SLC26A11: variants seen among roughly 807,000 people sequenced by gnomAD.
The protein encoded by SLC26A11 is solute carrier family 26 member 11, also known as sodium-independent sulfate anion transporter.
In SLC26A11, 58 loss-of-function variants were observed where a neutral mutation model predicts 62.2. The observed-to-expected ratio is 0.93, with a 90% CI of 0.76 to 1.16. SLC26A11 has a LOEUF of 1.16. SLC26A11 is among the 50% of genes most tolerant of loss of function. The probability of loss-of-function intolerance (pLI) is 0.00; values close to 1 mark genes in which losing one functional copy is unlikely to be tolerated. For missense variants in SLC26A11, 790 were observed against 794.3 expected, an observed-to-expected ratio of 0.99 and a Z score of 0.06; for synonymous variants, 411 against 368.9, an observed-to-expected ratio of 1.11 and a Z score of -1.31.
Position 80,223,414 on chromosome 17 carries a change from GGC to G in SLC26A11, c.513+78_513+79del. Reference sequence around the variant, plus strand: ...ACAGGGATGGCGGGAGCAGGACTGAGGCCAGTCCTGATCCCTGTGGCCAGTGG... The same window carrying G: ...ACAGGGATGGCGGGAGCAGGACTGAGCAGTCCTGATCCCTGTGGCCAGTGG... On this transcript the variant is annotated intron_variant, in intron 5 of 17. Coordinates refer to ENST00000361193, the MANE Select transcript of SLC26A11 (RefSeq NM_001166347.2). The surrounding 1 kb of genome is among the most constrained non-coding windows in gnomAD (Gnocchi z 4.6). The G allele has an allele frequency of 7.4e-7, 1 of 1,353,524 alleles. No homozygotes were observed. The allele number at this position is 1,353,524 out of a possible 1,614,324, so 83.8% of individuals were successfully genotyped here.
chr17:80,246,722 C>A lies in SLC26A11; in HGVS notation c.1294+73C>A, dbSNP rs2043009404. ...CGCGGAGGGTGTCATTTATGCTACCCCATTTTCCTGCAGCCCCCTCTGTGG... is the reference window on the plus strand; with the variant it reads ...CGCGGAGGGTGTCATTTATGCTACCACATTTTCCTGCAGCCCCCTCTGTGG... On this transcript the variant is annotated intron_variant, in intron 13 of 17. Transcript: ENST00000361193. This position sits in a 1 kb window ranked among gnomAD's most constrained non-coding sequence, Gnocchi z 4.4. The A allele has an allele frequency of 6.5e-7, 1 of 1,538,418 alleles. No homozygotes were observed. Among genetic ancestry groups the A allele is most frequent in the East Asian group, 2.4e-5 (1 of 41,230 alleles).
chr17:80,240,716 T>A (rs1478790642), intron 9 of SLC26A11, among the ~76,000 whole-genome samples: 2 of 151,464 alleles, frequency 1.3e-5, no homozygotes, highest in Non-Finnish European at 2.9e-5. Flanking sequence ...GGCAGGAGAA[T>A]CTCTTGAACC....
In SLC26A11 at chr17:80,223,667, C is replaced by T. The variant is rs1270157722; in HGVS notation, c.513+330C>T. The stretch of plus-strand genomic sequence containing the variant: ...GTGGCTCTGTTCTCCCTGCACTGGG[C>T]ACACCCAGCAGGCCCCACCAGTCAT... On this transcript the variant is annotated intron_variant, in intron 5 of 17. Coordinates refer to ENST00000361193, the MANE Select transcript of SLC26A11 (RefSeq NM_001166347.2). This position sits in a 1 kb window ranked among gnomAD's most constrained non-coding sequence, Gnocchi z 4.6. Among the ~76,000 whole-genome samples, 1 of 152,196 alleles carries T rather than the reference C, an allele frequency of 6.6e-6. No individual in the cohort carries two copies. Among genetic ancestry groups the T allele is most frequent in the Admixed American group, 6.5e-5 (1 of 15,278 alleles).
At chr17:80,231,443 C>G (rs182812622) in intron 7 of SLC26A11, among the ~76,000 whole-genome samples, 2 of 152,240 alleles carry the variant, frequency 1.3e-5, no homozygotes, top group African/African-American at 2.4e-5. Context: ...GGATTACAGG[C>G]GTGAGCCACT....
chr17:80,220,839 G>A (rs913275137), intron 1 of SLC26A11, 77 bp from the exon 2 acceptor site: 1 of 153,502 alleles, frequency 6.5e-6, no homozygotes, highest in Non-Finnish European at 1.4e-5. Context: ...TGAGGGTGGC[G>A]GCTCTGCGCG....
At position 80,246,310 on chromosome 17, in the gene SLC26A11, C is replaced by A; in HGVS notation, c.1153+101C>A. ...TCCCTTTGGCTCATGGGCCGTGCGC[C>A]CCGGGACTGCACAGGGACTTGGGGG... On this transcript the variant is annotated intron_variant, in intron 12 of 17. Transcript: ENST00000361193. The surrounding 1 kb of genome is among the most constrained non-coding windows in gnomAD (Gnocchi z 4.4). The A allele has an allele frequency of 6.8e-7, 1 of 1,475,202 alleles. No individual in the cohort carries two copies. 91.4% of individuals were successfully genotyped at this position (1,475,202 alleles called of 1,614,324 possible).
intron 15 of SLC26A11, 82 bp downstream of exon 15, chr17:80,248,756 C>A: frequency 1.5e-6 from 2 of 1,358,308 alleles, no homozygotes; most frequent in Non-Finnish European, 2.0e-6. Flanking sequence ...GACCCCAAGA[C>A]CCTGTCCCCA....
chr17:80,235,089 A>G (rs2042658321), intron 7 of SLC26A11, among the ~76,000 whole-genome samples: 1 of 152,124 alleles, frequency 6.6e-6, no homozygotes, highest in Admixed American at 6.5e-5. Flanking sequence ...ACTTCAGGTG[A>G]TTCAGCTGCC....
rs2043189242 is a variant in SLC26A11 at position 80,252,977 on chromosome 17, G to C, written c.*261G>C. ...CCTCTTTGGAAGAGTGGTTTGGAGA[G>C]AGCCTTCTAGAATGACAGACTGTGC... On this transcript the variant is annotated 3_prime_UTR_variant, in exon 18 of 18. Coordinates refer to ENST00000361193, the MANE Select transcript of SLC26A11 (RefSeq NM_001166347.2). The surrounding 1 kb of genome is among the most constrained non-coding windows in gnomAD (Gnocchi z 5.2). The C allele has an allele frequency of 2.9e-6, 1 of 343,402 alleles. No individual in the cohort carries two copies. The highest frequency in any genetic ancestry group is 2.2e-5 in the African/African-American group (1 of 45,954). The allele number at this position is 343,402 out of a possible 1,614,324, so 21.3% of individuals were successfully genotyped here.
intron 13 of SLC26A11, 90 bp from the exon 14 acceptor site, chr17:80,248,040 G>C (rs954762617): frequency 5.6e-6 from 8 of 1,434,842 alleles, no homozygotes; most frequent in African/African-American, 2.8e-5. Flanking sequence ...ACTCATATGT[G>C]GGGGGCAGAA....
intron 7 of SLC26A11, among the ~76,000 whole-genome samples, chr17:80,235,334 T>C (rs61652762): frequency 0.099 from 15,077 of 152,126 alleles, 846 homozygotes; most frequent in African/African-American, 0.14. Flanking sequence ...TTTAACTATG[T>C]TACTTTTGGG....
intron 11 of SLC26A11, chr17:80,245,467 T>C: frequency 1.8e-6 from 1 of 567,626 alleles, no homozygotes. Flanking sequence ...TACTAGAAAG[T>C]TCCACTGGGC....
Position 80,222,909 on chromosome 17 carries a change from T to C in SLC26A11, c.427+62T>C. 6.4e-7 allele frequency: 1 copy of C among 1,563,692 alleles called. No individual in the cohort carries two copies. Among genetic ancestry groups the C allele is most frequent in the Non-Finnish European group, 8.7e-7 (1 of 1,145,118 alleles). ...ACCTCAGCATTTGCTTGTTTGCATT[T>C]CAAGTCTATCCCCGTGTGCGTGTGT... On this transcript the variant is annotated intron_variant, in intron 4 of 17. Coordinates refer to ENST00000361193, the MANE Select transcript of SLC26A11 (RefSeq NM_001166347.2). The surrounding 1 kb of genome is among the most constrained non-coding windows in gnomAD (Gnocchi z 4.7).
At position 80,253,336 on chromosome 17, in the gene SLC26A11, C is replaced by T. The variant is rs2043195435; in HGVS notation, c.*620C>T. 2 of 152,228 alleles carry T rather than the reference C, an allele frequency of 1.3e-5. No homozygotes were observed. Among genetic ancestry groups the T allele is most frequent in the Non-Finnish European group, 2.9e-5 (2 of 68,146 alleles). 9.4% of individuals were successfully genotyped at this position (152,228 alleles called of 1,614,324 possible). On this transcript the variant is annotated 3_prime_UTR_variant, in exon 18 of 18. Coordinates refer to ENST00000361193, the MANE Select transcript of SLC26A11 (RefSeq NM_001166347.2). The stretch of plus-strand genomic sequence containing the variant: ...GTCCACTTGGGTGATCATTCCAGAC[C>T]CCTCCCCAAACATGCATATGTACCT...
chr17:80,221,686 C>T lies in SLC26A11; in HGVS notation c.126C>T (p.Ser42=), dbSNP rs144562896. 1.8e-4 allele frequency: 288 copies of T among 1,613,588 alleles called. 1 individual carries two copies. The highest frequency in any genetic ancestry group is 1.3e-3 in the Middle Eastern group (8 of 6,054). The change falls in exon 3 of 18, where the codon AGC becomes AGT. Residue 42 remains serine, a synonymous_variant. Coordinates refer to ENST00000361193, the MANE Select transcript of SLC26A11 (RefSeq NM_001166347.2). The stretch of plus-strand genomic sequence containing the variant: ...TGCCCATCCTGGCGTGGCTGCCCAG[C>T]TACTCCCTGCAGTGGCTGAAGATGG... ...RRLPILAWLP[S]YSLQWLKMDF...
In SLC26A11 at chr17:80,228,571, G is replaced by A. The variant is rs1370912231; in HGVS notation, c.736+611G>A. On this transcript the variant is annotated intron_variant, in intron 7 of 17. Coordinates refer to ENST00000361193, the MANE Select transcript of SLC26A11 (RefSeq NM_001166347.2). The surrounding 1 kb of genome is among the most constrained non-coding windows in gnomAD (Gnocchi z 4.1). ...CCCCCTGGTGACACGTGGCAATGTT[G>A]GGAAACATTTTTGGTGGATACCACC... Among the ~76,000 whole-genome samples the A allele has an allele frequency of 6.6e-6, 1 of 152,250 alleles. No individual in the cohort carries two copies. The highest frequency in any genetic ancestry group is 1.5e-5 in the Non-Finnish European group (1 of 68,048).
In SLC26A11 at chr17:80,221,546, A is replaced by G; in HGVS notation, c.-13-2A>G. On this transcript the variant is annotated splice_acceptor_variant, in intron 2 of 17. Transcript: ENST00000361193. LOFTEE classifies it low-confidence loss of function (5UTR_SPLICE). ...CTGGTCTGTGTCACCTGCACCCCCCAGCCCCACCGTAGAGATGCCTTCTTC... is the reference window on the plus strand; with the variant it reads ...CTGGTCTGTGTCACCTGCACCCCCCGGCCCCACCGTAGAGATGCCTTCTTC... 1 of 1,561,556 alleles carries G rather than the reference A, an allele frequency of 6.4e-7. No homozygotes were observed. Among genetic ancestry groups the G allele is most frequent in the Non-Finnish European group, 8.6e-7 (1 of 1,156,964 alleles).
chr17:80,245,212 G>C lies in SLC26A11; in HGVS notation c.1053G>C (p.Leu351Phe), dbSNP rs377308776. 30 of 1,613,638 alleles carry C rather than the reference G, an allele frequency of 1.9e-5. No homozygotes were observed. In the African/African-American group the frequency reaches 3.3e-4, roughly 18 times the overall value. Residue 351 changes from leucine (L) to phenylalanine (F), a missense_variant, in exon 11 of 18, where the codon TTG (leucine) becomes TTC (phenylalanine). Coordinates refer to ENST00000361193, the MANE Select transcript of SLC26A11 (RefSeq NM_001166347.2). ...ELLAIGLTNMLGSLVSSYPVT... is the reference protein window; with the variant it reads ...ELLAIGLTNMFGSLVSSYPVT... ...CCTCCCCAGGTCTCACCAACATGTT[G>C]GGCTCCCTCGTCTCCTCCTACCCGG...
At chr17:80,226,029 C>T in intron 6 of SLC26A11, 113 bp downstream of exon 6, 1 of 876,566 alleles carries the variant, frequency 1.1e-6, no homozygotes, top group Non-Finnish European at 1.8e-6. Flanking sequence ...CAGGGGTCCC[C>T]AGAGCAGCCC....
Sources: gnomAD v4.1 joint callset for allele counts (sites outside exome capture counted in the v4.1 genomes callset) on GRCh38, gnomAD v4.1.1 for gene constraint, Gnocchi (gnomAD v3.1) non-coding constraint, MANE v1.5 for transcripts, NCBI Gene and HGNC (gene_info 2026-07-23, HGNC 2026-07-21) for gene names.